Variants in CCDC33 observed in about 807,000 individuals in gnomAD.
CCDC33 encodes the protein coiled-coil domain-containing protein 33.
A neutral mutation model predicts 91.9 loss-of-function variants in CCDC33; 94 were observed. The observed-to-expected ratio is 1.02, with a 90% CI of 0.87 to 1.21. The LOEUF (loss-of-function observed/expected upper bound fraction) is 1.21, where lower values mean the gene tolerates loss of function less well. Among genes scored for constraint, CCDC33 ranks in the 50% most tolerant of loss-of-function variants. The pLI, the probability that CCDC33 is intolerant of heterozygous loss-of-function variation, is 0.00. For synonymous variants in CCDC33, 396 were observed against 374.5 expected, an observed-to-expected ratio of 1.06 and a Z score of -0.66; for missense variants, 940 against 935.5, an observed-to-expected ratio of 1.00 and a Z score of -0.06.
At chr15:74,303,527 C>G (rs926753758) in intron 11 of CCDC33, 4 of 153,140 alleles carry the variant, frequency 2.6e-5, no homozygotes, top group African/African-American at 4.8e-5. Context: ...AGACACGTTC[C>G]CAAAACACTG....
chr15:74,239,506 T>C (rs906464921), intron 1 of CCDC33, among the ~76,000 whole-genome samples: 5 of 152,218 alleles, frequency 3.3e-5, no homozygotes, highest in Admixed American at 1.3e-4. Flanking sequence ...ATAAGGGCAC[T>C]GGAGTTAGCA....
upstream of CCDC33, among the ~76,000 whole-genome samples, chr15:74,215,828 G>T (rs533704152): frequency 7.6e-4 from 112 of 147,050 alleles, 5 homozygotes; most frequent in Non-Finnish European, 8.9e-5. Flanking sequence ...CCGAGATCTC[G>T]CCACTGCACT....
At chr15:74,209,665 C>T (rs901926459) in intron 2 of CCDC33, 14 of 550,066 alleles carry the variant, frequency 2.5e-5, no homozygotes, top group African/African-American at 2.1e-4. Flanking sequence ...CAACCTCCAA[C>T]GCTGCTGGAC....
intron 2 of CCDC33, among the ~76,000 whole-genome samples, chr15:74,256,410 G>A (rs554900982): frequency 7.6e-6 from 1 of 130,810 alleles, no homozygotes; most frequent in East Asian, 2.4e-4. Context: ...CTAAGGCTGC[G>A]TACGGGAGAA....
intron 11 of CCDC33, among the ~76,000 whole-genome samples, chr15:74,321,042 A>G (rs2060196590): frequency 6.6e-6 from 1 of 151,806 alleles, no homozygotes; most frequent in Non-Finnish European, 1.5e-5. Flanking sequence ...GTGAGCCCCA[A>G]CCCCTGGGAA....
Position 74,331,208 on chromosome 15 carries a change from C to G in CCDC33, c.1683C>G (p.Ile561Met), listed in dbSNP as rs371292759. 5.6e-6 allele frequency: 9 copies of G among 1,613,998 alleles called. No homozygotes were observed. Among genetic ancestry groups the G allele is most frequent in the African/African-American group, 1.3e-5 (1 of 74,914 alleles). ...GCCTCTGCTCTGCTCTCCAGGTGAT[C>G]GAGAAGATGGAGCGGGTGCTGGAGG... is the stretch of plus-strand genomic sequence containing the variant. ...EETVRHQEKVIEKMERVLEDR... is the reference protein window; with the variant it reads ...EETVRHQEKVMEKMERVLEDR... The change falls in exon 15 of 19, where the codon ATC (isoleucine) becomes ATG (methionine). Residue 561 changes from isoleucine (I) to methionine (M), a missense_variant. Transcript: ENST00000398814.
intron 2 of CCDC33, among the ~76,000 whole-genome samples, chr15:74,245,026 G>A (rs964291594): frequency 3.3e-5 from 5 of 152,156 alleles, no homozygotes; most frequent in African/African-American, 9.7e-5. Flanking sequence ...ACCAATGCCT[G>A]CTGAAATCCT....
intron 9 of CCDC33, 137 bp from the exon 10 acceptor site, chr15:74,281,641 C>T: frequency 1.4e-6 from 1 of 740,222 alleles, no homozygotes; most frequent in Non-Finnish European, 2.3e-6. Flanking sequence ...AAGCAGGAGG[C>T]CAGCTCCCAC....
chr15:74,270,817 T>C (rs988194200), intron 5 of CCDC33, among the ~76,000 whole-genome samples: 1 of 152,082 alleles, frequency 6.6e-6, no homozygotes, highest in Non-Finnish European at 1.5e-5. Flanking sequence ...TGGAGCAAGG[T>C]GACGCTGTCC....
chr15:74,259,542 C>G (rs1452380333), intron 2 of CCDC33, among the ~76,000 whole-genome samples: 1 of 152,130 alleles, frequency 6.6e-6, no homozygotes, highest in East Asian at 1.9e-4. Context: ...GGGGCCTCCC[C>G]CTCCCACCCA....
intron 16 of CCDC33, chr15:74,333,067 G>C (rs1277353819): frequency 1.3e-5 from 10 of 770,108 alleles, no homozygotes; most frequent in Non-Finnish European, 2.1e-5. Context: ...CATCCCAGGA[G>C]AAAGCAAGCC....
intron 2 of CCDC33, among the ~76,000 whole-genome samples, chr15:74,229,854 G>A (rs1322512811): frequency 6.6e-6 from 1 of 152,260 alleles, no homozygotes; most frequent in Non-Finnish European, 1.5e-5. Context: ...CGCCCTTGGG[G>A]AAGATAGATC....
chr15:74,334,052 G>A (rs2142897383), intron 17 of CCDC33, 85 bp downstream of exon 17: 1 of 1,201,144 alleles, frequency 8.3e-7, no homozygotes, highest in East Asian at 2.5e-5. Context: ...GCAGAGTCTA[G>A]GCTCAATCTA....
intron 11 of CCDC33, chr15:74,299,513 T>A (rs953217906): frequency 6.6e-6 from 1 of 152,264 alleles, no homozygotes; most frequent in Non-Finnish European, 1.5e-5. Flanking sequence ...AGAAAGTATC[T>A]AGACTGATCC....
At position 74,266,805 on chromosome 15, in the gene CCDC33, G is replaced by A; in HGVS notation, c.429+18G>A. On this transcript the variant is annotated intron_variant, in intron 4 of 18. Transcript: ENST00000398814. ...TGGTGAAGGTGAGTCAGAGGCCTGGGGAAGTGCCGGGAGAGCAGGTGGGAA... is the reference window on the plus strand; with the variant it reads ...TGGTGAAGGTGAGTCAGAGGCCTGGAGAAGTGCCGGGAGAGCAGGTGGGAA... 6.3e-7 allele frequency: 1 copy of A among 1,580,296 alleles called. No homozygotes were observed. The highest frequency in any genetic ancestry group is 8.7e-7 in the Non-Finnish European group (1 of 1,149,468).
At chr15:74,313,173 G>A (rs372879454) in intron 11 of CCDC33, among the ~76,000 whole-genome samples, 15 of 152,286 alleles carry the variant, frequency 9.8e-5, no homozygotes, top group African/African-American at 3.1e-4. Context: ...AGGGGCCAAG[G>A]CTTGGACAGC....
intron 11 of CCDC33, among the ~76,000 whole-genome samples, chr15:74,329,162 A>T (rs1304031119): frequency 7.4e-6 from 1 of 135,982 alleles, no homozygotes; most frequent in Non-Finnish European, 1.5e-5. Context: ...ATTAATTTTC[A>T]TATATATATA....
intron 11 of CCDC33, among the ~76,000 whole-genome samples, chr15:74,322,572 G>C (rs1564783): frequency 0.54 from 81,779 of 152,148 alleles, 24,113 homozygotes; most frequent in East Asian, 0.82. Context: ...ATCAGAACTT[G>C]TGAGATGGGG....
intron 11 of CCDC33, among the ~76,000 whole-genome samples, chr15:74,313,843 G>C (rs2060039940): frequency 1.3e-5 from 2 of 152,102 alleles, no homozygotes; most frequent in South Asian, 4.2e-4. Context: ...CCAGCATCCA[G>C]GCCCAGCCCA....
Sources: allele counts gnomAD v4.1 joint callset (sites outside exome capture counted in the v4.1 genomes callset), GRCh38; gene constraint gnomAD v4.1.1; transcripts MANE v1.5; gene names NCBI Gene and HGNC (gene_info 2026-07-23, HGNC 2026-07-21).